Variants in REV1 observed in about 807,000 individuals in gnomAD.
The protein encoded by REV1 is REV1 DNA directed polymerase, also known as translesion synthesis protein REV1.
REV1 carries 42 observed loss-of-function variants against 137.4 expected under a neutral mutation model. That is an observed-to-expected ratio of 0.31 (90% CI 0.24 to 0.40). REV1 has a LOEUF of 0.40. Ranked by LOEUF, REV1 falls within the 10% of genes least tolerant of loss-of-function variation. REV1 has a pLI of 1.00. For missense variants in REV1, 1,282 were observed against 1,490.1 expected (o/e 0.86, Z 2.30); for synonymous variants, 524 against 519.2 (o/e 1.01, Z -0.12).
At chr2:99,481,196 C>T (rs1686569019) in intron 1 of REV1, among the ~76,000 whole-genome samples, 1 of 152,144 alleles carries the variant, frequency 6.6e-6, no homozygotes. Context: ...ATTTCTTCTT[C>T]CAAATAACTA....
chr2:99,440,767 CAAA>C (rs759559302), intron 5 of REV1, among the ~76,000 whole-genome samples: 15 of 152,100 alleles, frequency 9.9e-5, no homozygotes, highest in Non-Finnish European at 1.6e-4. Context: ...CAGAAAACAA[CAAA>C]AGTGATGTAC....
At chr2:99,475,693 A>T (rs558621917) in intron 1 of REV1, among the ~76,000 whole-genome samples, 7 of 152,146 alleles carry the variant, frequency 4.6e-5, no homozygotes, top group African/African-American at 1.4e-4. Context: ...TCTCAAAAAA[A>T]AAATAAATAG....
chr2:99,486,822 G>C (rs1054846584), intron 1 of REV1, among the ~76,000 whole-genome samples: 2 of 152,112 alleles, frequency 1.3e-5, no homozygotes, highest in Non-Finnish European at 2.9e-5. Flanking sequence ...TAAGCACTGG[G>C]GATAAAGCTG....
At chr2:99,422,634 C>T (rs1261222898) in intron 10 of REV1, among the ~76,000 whole-genome samples, 1 of 152,018 alleles carries the variant, frequency 6.6e-6, no homozygotes, top group Non-Finnish European at 1.5e-5. Flanking sequence ...TGAAAGCTGC[C>T]CTGAGACAGG....
At position 99,403,121 on chromosome 2, in the gene REV1, A is replaced by G; in HGVS notation, c.3167-15T>C. 1 of 1,556,534 alleles carries G rather than the reference A, an allele frequency of 6.4e-7. No individual in the cohort carries two copies. Among genetic ancestry groups the G allele is most frequent in the Non-Finnish European group, 8.7e-7 (1 of 1,148,320 alleles). On this transcript the variant is annotated splice_polypyrimidine_tract_variant and intron_variant, in intron 19 of 22. Coordinates refer to ENST00000258428, the MANE Select transcript of REV1 (RefSeq NM_016316.4). ...ATTCTTTGGCACTAAGAGCAGATGGATATAAGATCCTCAACAAAATGATAG... is the reference window on the plus strand; with the variant it reads ...ATTCTTTGGCACTAAGAGCAGATGGGTATAAGATCCTCAACAAAATGATAG...
chr2:99,470,498 GA>G (rs1419623760), intron 1 of REV1, among the ~76,000 whole-genome samples: 2 of 152,154 alleles, frequency 1.3e-5, no homozygotes, highest in South Asian at 4.1e-4. Context: ...CCGTAATAAA[GA>G]AATCAATGTA....
At chr2:99,451,408 C>A (rs1233903324) in intron 3 of REV1, 3 of 1,301,374 alleles carry the variant, frequency 2.3e-6, no homozygotes, top group Non-Finnish European at 3.0e-6. Flanking sequence ...AAATACATTG[C>A]CCTTCTACTG....
intron 1 of REV1, among the ~76,000 whole-genome samples, chr2:99,469,817 G>A (rs531513790): frequency 4.6e-5 from 7 of 152,006 alleles, no homozygotes; most frequent in South Asian, 2.1e-4. Context: ...TATCTACCCC[G>A]AGAATTATGT....
intron 4 of REV1, among the ~76,000 whole-genome samples, chr2:99,447,724 T>G (rs1389852392): frequency 6.6e-6 from 1 of 151,946 alleles, no homozygotes; most frequent in Non-Finnish European, 1.5e-5. Flanking sequence ...AAGTTTTTTT[T>G]TTTTTTCTTT....
intron 13 of REV1, among the ~76,000 whole-genome samples, chr2:99,411,392 G>A (rs1046045636): frequency 6.7e-6 from 1 of 150,170 alleles, no homozygotes; most frequent in East Asian, 2.0e-4. Context: ...ACTTTTAAAA[G>A]ATATTTTTCC....
chr2:99,442,488 C>T lies in REV1; in HGVS notation c.351-19G>A. 1 of 1,610,806 alleles carries T rather than the reference C, an allele frequency of 6.2e-7. No homozygotes were observed. Among genetic ancestry groups the T allele is most frequent in the South Asian group, 1.1e-5 (1 of 90,722 alleles). On this transcript the variant is annotated intron_variant, in intron 4 of 22. Coordinates refer to ENST00000258428, the MANE Select transcript of REV1 (RefSeq NM_016316.4). ...TTTGATGCTGAAACAAAAAGCAACA[C>T]CAATTTAGAGTTCCATACTTGGTGA...
At position 99,469,000 on chromosome 2, in the gene REV1, G is replaced by A. The variant is rs913443224; in HGVS notation, c.-10-4015C>T. On this transcript the variant is annotated intron_variant, in intron 1 of 22. Coordinates refer to ENST00000258428, the MANE Select transcript of REV1 (RefSeq NM_016316.4). ...ATACGGACTCAAATCCCAATTCTACGACTGCCTAACAATGTGATTCAGAGT... is the reference window on the plus strand; with the variant it reads ...ATACGGACTCAAATCCCAATTCTACAACTGCCTAACAATGTGATTCAGAGT... Among the ~76,000 whole-genome samples, 2 of 152,110 alleles carry A rather than the reference G, an allele frequency of 1.3e-5. 1 individual carries two copies. Among genetic ancestry groups the A allele is most frequent in the East Asian group, 3.9e-4 (2 of 5,194 alleles).
intron 3 of REV1, among the ~76,000 whole-genome samples, chr2:99,459,788 C>T (rs983797310): frequency 4.6e-5 from 7 of 152,094 alleles, no homozygotes; most frequent in Admixed American, 3.9e-4. Flanking sequence ...TTTTTGGGGC[C>T]AGGTGAAGGG....
At chr2:99,422,652 T>TG (rs1678836780) in intron 10 of REV1, among the ~76,000 whole-genome samples, 1 of 152,198 alleles carries the variant, frequency 6.6e-6, no homozygotes, top group African/African-American at 2.4e-5. Context: ...AGGGAGAATA[T>TG]GAAGCTGAGA....
At chr2:99,421,778 G>C (rs1293412213) in intron 10 of REV1, 125 bp from the exon 11 acceptor site, 2 of 1,036,968 alleles carry the variant, frequency 1.9e-6, no homozygotes, top group Non-Finnish European at 2.7e-6. Flanking sequence ...TAAATGAATT[G>C]GCTGAAGTAC....
chr2:99,413,507 A>C (rs991997444), intron 12 of REV1, among the ~76,000 whole-genome samples: 2 of 152,192 alleles, frequency 1.3e-5, no homozygotes, highest in African/African-American at 4.8e-5. Flanking sequence ...GAAGGACCCT[A>C]ACCAAACCAA....
chr2:99,424,480 A>G, intron 9 of REV1, 200 bp from the exon 10 acceptor site: 1 of 590,156 alleles, frequency 1.7e-6, no homozygotes, highest in Non-Finnish European at 2.9e-6. Flanking sequence ...AGTGTAAATG[A>G]CACATGTAGA....
chr2:99,467,392 C>G (rs1008882070), intron 1 of REV1, among the ~76,000 whole-genome samples: 1 of 152,176 alleles, frequency 6.6e-6, no homozygotes, highest in Non-Finnish European at 1.5e-5. Context: ...TTCGTCATTT[C>G]CAATAACTTG....
At chr2:99,409,866 C>CG (rs1193588027) in intron 14 of REV1, among the ~76,000 whole-genome samples, 7 of 92,832 alleles carry the variant, frequency 7.5e-5, no homozygotes, top group East Asian at 2.7e-4. Flanking sequence ...CCCCCCCCCC[C>CG]CAAAAAAAAC....
Sources: gnomAD v4.1 joint callset for allele counts (sites outside exome capture counted in the v4.1 genomes callset) on GRCh38, gnomAD v4.1.1 for gene constraint, MANE v1.5 for transcripts, NCBI Gene and HGNC (gene_info 2026-07-23, HGNC 2026-07-21) for gene names.